Variants in PAK5 observed in about 807,000 individuals in gnomAD.
PAK5 encodes the protein serine/threonine-protein kinase PAK 5.
In PAK5, 16 loss-of-function variants were observed where a neutral mutation model predicts 65.9. The ratio of observed to expected loss-of-function variants is 0.24; its 90% CI spans 0.16 to 0.37. The LOEUF (loss-of-function observed/expected upper bound fraction) is 0.37. Ranked by LOEUF, PAK5 falls within the 10% of genes least tolerant of loss-of-function variation. PAK5 has a pLI of 1.00. For missense variants in PAK5, 785 were observed against 903.9 expected (o/e 0.87, Z 1.69); for synonymous variants, 371 against 354.9 (o/e 1.05, Z -0.51).
intron 2 of PAK5, among the ~76,000 whole-genome samples, chr20:9,651,349 C>G (rs1296840945): frequency 6.6e-6 from 1 of 152,202 alleles, no homozygotes; most frequent in East Asian, 1.9e-4. Flanking sequence ...AGGAACTCTA[C>G]TATAAGCCAG....
chr20:9,653,308 T>C (rs185792692), intron 2 of PAK5, among the ~76,000 whole-genome samples: 9 of 152,280 alleles, frequency 5.9e-5, no homozygotes, highest in East Asian at 1.9e-4. Flanking sequence ...TACTTCACCA[T>C]GGTTTCATTC....
intron 2 of PAK5, among the ~76,000 whole-genome samples, chr20:9,682,217 C>T (rs1313777881): frequency 6.6e-6 from 1 of 151,950 alleles, no homozygotes; most frequent in African/African-American, 2.4e-5. Context: ...ATTAGCCAGG[C>T]GTGGTGGCGG....
At chr20:9,687,050 C>A (rs1280086220) in intron 2 of PAK5, among the ~76,000 whole-genome samples, 1 of 152,190 alleles carries the variant, frequency 6.6e-6, no homozygotes, top group Non-Finnish European at 1.5e-5. Context: ...GAGCCGCCCC[C>A]TCCTGAGAGA....
chr20:9,801,987 A>G (rs552669197), intron 1 of PAK5, among the ~76,000 whole-genome samples: 66 of 152,308 alleles, frequency 4.3e-4, no homozygotes, highest in African/African-American at 1.6e-3. Flanking sequence ...GGCCACCAGT[A>G]AGGTTGGCTG....
chr20:9,666,207 C>T (rs2047414906), intron 2 of PAK5, among the ~76,000 whole-genome samples: 1 of 151,736 alleles, frequency 6.6e-6, no homozygotes, highest in Non-Finnish European at 1.5e-5. Flanking sequence ...ACAGACATGC[C>T]CTCCATTTGA....
At chr20:9,826,944 T>TG (rs1978328736) in intron 1 of PAK5, among the ~76,000 whole-genome samples, 1 of 152,196 alleles carries the variant, frequency 6.6e-6, no homozygotes. Flanking sequence ...TTATTTACTC[T>TG]ATTGTGGGGA....
At chr20:9,564,635 T>C (rs2045643947) in intron 5 of PAK5, among the ~76,000 whole-genome samples, 1 of 152,158 alleles carries the variant, frequency 6.6e-6, no homozygotes, top group South Asian at 2.1e-4. Flanking sequence ...ACACTGTATA[T>C]CATTTATCTA....
chr20:9,559,216 A>C (rs148058695), intron 6 of PAK5, among the ~76,000 whole-genome samples: 1 of 152,154 alleles, frequency 6.6e-6, no homozygotes, highest in African/African-American at 2.4e-5. Flanking sequence ...AATGTAAAAG[A>C]GGTCCTAAAG....
intron 1 of PAK5, among the ~76,000 whole-genome samples, chr20:9,794,838 A>G (rs1303379423): frequency 2.6e-5 from 4 of 152,058 alleles, no homozygotes; most frequent in East Asian, 1.9e-4. Context: ...CATACATTCG[A>G]CGAAAGAAAA....
At chr20:9,768,126 G>C (rs1201174703) in intron 1 of PAK5, among the ~76,000 whole-genome samples, 2 of 151,830 alleles carry the variant, frequency 1.3e-5, no homozygotes, top group Non-Finnish European at 2.9e-5. Context: ...GATTACTATG[G>C]GCACGTAATA....
At chr20:9,772,336 T>C (rs1035458388) in intron 1 of PAK5, among the ~76,000 whole-genome samples, 4 of 152,158 alleles carry the variant, frequency 2.6e-5, no homozygotes, top group East Asian at 1.9e-4. Context: ...AAGTGCACTA[T>C]TAGGAGAAGG....
At chr20:9,715,449 GACTGTAA>G (rs1262542753) in intron 1 of PAK5, among the ~76,000 whole-genome samples, 1 of 152,160 alleles carries the variant, frequency 6.6e-6, no homozygotes, top group Non-Finnish European at 1.5e-5. Context: ...CTGTTGGTGG[GACTGTAA>G]ACTAGTGCAA....
At chr20:9,758,940 C>T (rs2048666461) in intron 1 of PAK5, among the ~76,000 whole-genome samples, 1 of 152,102 alleles carries the variant, frequency 6.6e-6, no homozygotes, top group African/African-American at 2.4e-5. Flanking sequence ...GCTCAGGTTT[C>T]AGAGCCCACT....
intron 6 of PAK5, among the ~76,000 whole-genome samples, chr20:9,562,207 C>A (rs1234309462): frequency 1.3e-5 from 2 of 152,142 alleles, no homozygotes; most frequent in Non-Finnish European, 2.9e-5. Context: ...CTTCTTAATT[C>A]TGCACAGGTA....
At chr20:9,646,360 GGTTGTTACTTCAGACTAA>G (rs1368265822) in intron 2 of PAK5, among the ~76,000 whole-genome samples, 21 of 152,124 alleles carry the variant, frequency 1.4e-4, no homozygotes, top group African/African-American at 1.9e-4. Context: ...CATTCATTCT[GGTTGTTACTTCAGACTAA>G]TTTGGAAGGG....
At chr20:9,765,312 T>G (rs1298745681) in intron 1 of PAK5, among the ~76,000 whole-genome samples, 1 of 152,172 alleles carries the variant, frequency 6.6e-6, no homozygotes, top group South Asian at 2.1e-4. Context: ...TCACCAATAA[T>G]CTAAAATTTA....
At position 9,565,950 on chromosome 20, in the gene PAK5, A is replaced by G. The variant is rs746059908; in HGVS notation, c.1425T>C (p.Val475=). The G allele has an allele frequency of 4.2e-5, 67 of 1,613,096 alleles. 1 individual carries two copies. The South Asian group carries it at 7.0e-4, about 17-fold the overall frequency. The change falls in exon 5 of 10, where the codon GTT becomes GTC. Residue 475 remains valine (V), a synonymous_variant. Coordinates refer to ENST00000353224, the MANE Select transcript of PAK5 (RefSeq NM_177990.4). ...IATEKHTGKQ[V]AVKKMDLRKQ... is the part of the protein sequence containing the mutation. ...TCCGGAGGTCCATTTTCTTCACTGC[A>G]ACTTGTTTCCCTGTGTGTTTCTCGG...
chr20:9,563,728 G>T (rs983670074), intron 5 of PAK5, among the ~76,000 whole-genome samples: 6 of 152,256 alleles, frequency 3.9e-5, no homozygotes, highest in South Asian at 2.1e-4. Flanking sequence ...ACATCATATT[G>T]CTCTGTGTGT....
chr20:9,651,020 G>T (rs908947724), intron 2 of PAK5, among the ~76,000 whole-genome samples: 1 of 152,074 alleles, frequency 6.6e-6, no homozygotes, highest in Non-Finnish European at 1.5e-5. Flanking sequence ...AAAGGGTAAC[G>T]GCAAAAGAAT....
Sources: allele counts gnomAD v4.1 joint callset (sites outside exome capture counted in the v4.1 genomes callset), GRCh38; gene constraint gnomAD v4.1.1; transcripts MANE v1.5; gene names NCBI Gene and HGNC (gene_info 2026-07-23, HGNC 2026-07-21).